CACHD1: variants seen among roughly 807,000 people sequenced by gnomAD.
CACHD1 encodes the protein cache domain containing 1.
Under a neutral mutation model 138.7 loss-of-function variants are expected in CACHD1, and 71 were observed. The observed-to-expected ratio is 0.51, with a 90% confidence interval of 0.42 to 0.62. CACHD1 has a LOEUF of 0.62. Ranked by LOEUF, CACHD1 falls within the 20% of genes least tolerant of loss-of-function variation. The probability of loss-of-function intolerance (pLI) is 0.00; values close to 1 mark genes in which losing one functional copy is unlikely to be tolerated. For missense variants in CACHD1, 1,389 were observed against 1,625.3 expected (o/e 0.85, Z 2.50); for synonymous variants, 578 against 591.5 (o/e 0.98, Z 0.33).
At chr1:64,590,840 T>G (rs558003802) in intron 3 of CACHD1, among the ~76,000 whole-genome samples, 13 of 152,224 alleles carry the variant, frequency 8.5e-5, no homozygotes, top group African/African-American at 3.1e-4. Flanking sequence ...ACCTGAGTCA[T>G]GTAGTACAAA....
intron 4 of CACHD1, among the ~76,000 whole-genome samples, chr1:64,616,923 G>T (rs1006635800): frequency 7.9e-5 from 12 of 152,204 alleles, no homozygotes; most frequent in Admixed American, 5.9e-4. Flanking sequence ...TAGTTGCATA[G>T]CTGAGACAAG....
At chr1:64,601,822 A>AT (rs1647217748) in intron 3 of CACHD1, among the ~76,000 whole-genome samples, 1 of 152,190 alleles carries the variant, frequency 6.6e-6, no homozygotes, top group African/African-American at 2.4e-5. Context: ...TTTAACACAA[A>AT]TTTTTTTAAA....
chr1:64,527,754 T>C (rs1646552247), intron 1 of CACHD1, among the ~76,000 whole-genome samples: 1 of 152,248 alleles, frequency 6.6e-6, no homozygotes, highest in African/African-American at 2.4e-5. Context: ...TATTTTATTT[T>C]TTGTAGTAGG....
chr1:64,563,978 T>C (rs972259122), intron 2 of CACHD1: 1 of 152,080 alleles, frequency 6.6e-6, no homozygotes, highest in Non-Finnish European at 1.5e-5. Flanking sequence ...TACAAAAGGG[T>C]GATATAATGT....
chr1:64,633,951 T>G, intron 6 of CACHD1, 93 bp from the exon 7 acceptor site: 1 of 915,980 alleles, frequency 1.1e-6, no homozygotes, highest in South Asian at 1.7e-5. Flanking sequence ...GTAGGCCTTC[T>G]TACTCCTTGG....
intron 1 of CACHD1, among the ~76,000 whole-genome samples, chr1:64,484,436 G>A (rs997602295): frequency 1.3e-5 from 2 of 152,028 alleles, no homozygotes; most frequent in Admixed American, 6.5e-5. Flanking sequence ...CAAGCAGAAG[G>A]GTGATGTGAA....
intron 4 of CACHD1, among the ~76,000 whole-genome samples, chr1:64,606,121 A>ACACACACACACACACACACACACG (rs1240936849): frequency 6.6e-6 from 1 of 151,916 alleles, no homozygotes; most frequent in Non-Finnish European, 1.5e-5. Flanking sequence ...ACACACACAC[A>ACACACACACACACACACACACACG]CACACACACG....
At chr1:64,630,823 C>T (rs1457727722) in intron 5 of CACHD1, among the ~76,000 whole-genome samples, 2 of 152,142 alleles carry the variant, frequency 1.3e-5, no homozygotes, top group African/African-American at 4.8e-5. Context: ...GAAACCTTGT[C>T]AAAATCAGCA....
intron 1 of CACHD1, among the ~76,000 whole-genome samples, chr1:64,486,339 T>TGA (rs1646241808): frequency 7.0e-6 from 1 of 143,766 alleles, no homozygotes; most frequent in African/African-American, 2.7e-5. Flanking sequence ...TGTCAAGTTT[T>TGA]GAGAGCGCGC....
At chr1:64,549,787 C>T (rs975577414) in intron 1 of CACHD1, among the ~76,000 whole-genome samples, 5 of 147,356 alleles carry the variant, frequency 3.4e-5, no homozygotes, top group African/African-American at 1.3e-4. Context: ...AAGGCTGCTG[C>T]TCTTTTTATT....
chr1:64,497,808 C>T (rs187829937), intron 1 of CACHD1, among the ~76,000 whole-genome samples: 1 of 152,296 alleles, frequency 6.6e-6, no homozygotes, highest in African/African-American at 2.4e-5. Context: ...AGTCTTCCAA[C>T]AGTGGGGCAA....
intron 1 of CACHD1, among the ~76,000 whole-genome samples, chr1:64,540,864 T>G (rs1053228135): frequency 6.6e-6 from 1 of 152,256 alleles, no homozygotes; most frequent in African/African-American, 2.4e-5. Context: ...TCCCACATGC[T>G]TTCTTAAAAT....
intron 2 of CACHD1, among the ~76,000 whole-genome samples, chr1:64,556,182 T>G (rs1646795444): frequency 6.6e-6 from 1 of 152,208 alleles, no homozygotes; most frequent in East Asian, 1.9e-4. Context: ...TGACATGGGC[T>G]TACCTCCTAG....
chr1:64,501,448 C>A (rs892322725), intron 1 of CACHD1, among the ~76,000 whole-genome samples: 4 of 152,104 alleles, frequency 2.6e-5, no homozygotes, highest in Admixed American at 6.6e-5. Flanking sequence ...CAGCTGTATT[C>A]TTGGATTTAT....
At chr1:64,488,269 A>G (rs1475750682) in intron 1 of CACHD1, among the ~76,000 whole-genome samples, 7 of 152,244 alleles carry the variant, frequency 4.6e-5, no homozygotes, top group African/African-American at 7.2e-5. Flanking sequence ...TCATTATGAC[A>G]TAGTAAAATA....
At chr1:64,488,177 A>C (rs1475703194) in intron 1 of CACHD1, among the ~76,000 whole-genome samples, 1 of 152,130 alleles carries the variant, frequency 6.6e-6, no homozygotes, top group Non-Finnish European at 1.5e-5. Context: ...GATTTTTATA[A>C]ATGATTTTTG....
At chr1:64,620,379 A>G (rs1482960271) in intron 4 of CACHD1, among the ~76,000 whole-genome samples, 2 of 152,136 alleles carry the variant, frequency 1.3e-5, no homozygotes, top group East Asian at 3.9e-4. Flanking sequence ...TCTAATTCAT[A>G]TGAATATTAA....
chr1:64,565,884 GT>G (rs1259962397), intron 2 of CACHD1, among the ~76,000 whole-genome samples: 2 of 152,154 alleles, frequency 1.3e-5, no homozygotes, highest in Non-Finnish European at 2.9e-5. Flanking sequence ...TTTAATCCAA[GT>G]TTAGTGTTTT....
At chr1:64,480,437 C>G (rs552291622) in intron 1 of CACHD1, among the ~76,000 whole-genome samples, 1 of 152,146 alleles carries the variant, frequency 6.6e-6, no homozygotes, top group African/African-American at 2.4e-5. Flanking sequence ...ATACATTCCT[C>G]TTTTGAAAAG....
Sources: gnomAD v4.1 joint callset for allele counts (sites outside exome capture counted in the v4.1 genomes callset) on GRCh38, gnomAD v4.1.1 for gene constraint, MANE v1.5 for transcripts, NCBI Gene and HGNC (gene_info 2026-07-23, HGNC 2026-07-21) for gene names.